DLGAP2: variants seen among roughly 807,000 people sequenced by gnomAD.
DLGAP2 encodes the protein DLG associated protein 2, also known as disks large-associated protein 2.
DLGAP2 carries 26 observed loss-of-function variants against 100.3 expected under a neutral mutation model. That is an observed-to-expected ratio of 0.26 (90% CI 0.19 to 0.36). The LOEUF is 0.36. DLGAP2 is among the 10% of genes least tolerant of loss of function. DLGAP2 has a pLI of 1.00. For synonymous variants in DLGAP2, 886 were observed against 630.1 expected, an observed-to-expected ratio of 1.41 and a Z score of -6.08; for missense variants, 1,858 against 1,453.2, an observed-to-expected ratio of 1.28 and a Z score of -4.53.
At chr8:1,351,992 C>T (rs1191475695) in intron 3 of DLGAP2, among the ~76,000 whole-genome samples, 1 of 55,910 alleles carries the variant, frequency 1.8e-5, no homozygotes, top group African/African-American at 5.1e-5. Context: ...CGGGTCCTGA[C>T]TGTGTGTGGA....
At chr8:842,422 C>A (rs139450066) in intron 1 of DLGAP2, among the ~76,000 whole-genome samples, 46 of 152,320 alleles carry the variant, frequency 3.0e-4, no homozygotes, top group African/African-American at 1.0e-3. Flanking sequence ...TGAACAGGCA[C>A]GTGCTTGAAT....
chr8:1,582,552 C>T (rs1473321043), intron 6 of DLGAP2, among the ~76,000 whole-genome samples: 2 of 151,442 alleles, frequency 1.3e-5, no homozygotes, highest in Non-Finnish European at 1.5e-5. Flanking sequence ...TCATTGCTAG[C>T]AGACCAGTAC....
chr8:966,845 A>C (rs561914602), intron 2 of DLGAP2, among the ~76,000 whole-genome samples: 64 of 152,356 alleles, frequency 4.2e-4, no homozygotes, highest in African/African-American at 1.5e-3. Flanking sequence ...CTGTAAAATA[A>C]ATGTGTCTGT....
rs1298953295 is a variant in DLGAP2 at position 1,289,448 on chromosome 8, CCTT to C, written c.106+30571_106+30573del. On this transcript the variant is annotated intron_variant, in intron 3 of 14. Coordinates refer to ENST00000637795, the MANE Select transcript of DLGAP2 (RefSeq NM_001346810.2). ...ATGCCCTGTCTATTTTGCGGGGTTC[CCTT>C]CTTCTATTTTTAAGCCCCTCTGCAC... is the stretch of plus-strand genomic sequence containing the variant. Among the ~76,000 whole-genome samples, 6 of 152,124 alleles carry C rather than the reference CCTT, an allele frequency of 3.9e-5. No individual in the cohort carries two copies. In the South Asian group the frequency reaches 8.3e-4, roughly 21 times the overall value.
At chr8:1,328,605 C>CCTCCTAT (rs1801077538) in intron 3 of DLGAP2, among the ~76,000 whole-genome samples, 1 of 152,154 alleles carries the variant, frequency 6.6e-6, no homozygotes, top group Non-Finnish European at 1.5e-5. Context: ...CCCGCCTTGG[C>CCTCCTAT]CTCCTAAAGT....
In DLGAP2 at chr8:977,752, G is replaced by C. The variant is rs868587449; in HGVS notation, c.73+69786G>C. Reference sequence around the variant, plus strand: ...GCGTCGGGGATGCAGTGAGGGGCTGGGTTCTGGTCTTTGGTGTTGTGGGGA... The same window carrying C: ...GCGTCGGGGATGCAGTGAGGGGCTGCGTTCTGGTCTTTGGTGTTGTGGGGA... On this transcript the variant is annotated intron_variant, in intron 2 of 14. Coordinates refer to ENST00000637795, the MANE Select transcript of DLGAP2 (RefSeq NM_001346810.2). 9.4e-3 allele frequency among the ~76,000 whole-genome samples: 1,250 copies of C among 133,548 alleles called. 23 individuals are homozygous for C. Among genetic ancestry groups the C allele is most frequent in the African/African-American group, 0.033 (1,168 of 35,682 alleles). The allele number at this position is 133,548 out of a possible 152,430, so 87.6% of individuals were successfully genotyped here.
intron 3 of DLGAP2, among the ~76,000 whole-genome samples, chr8:1,268,480 G>A (rs1204408173): frequency 6.6e-6 from 1 of 152,242 alleles, no homozygotes; most frequent in African/African-American, 2.4e-5. Context: ...TCTGACAGCT[G>A]TCTTCCGCGT....
chr8:828,448 C>G (rs148168067), intron 1 of DLGAP2, among the ~76,000 whole-genome samples: 6,315 of 152,306 alleles, frequency 0.041, 200 homozygotes, highest in African/African-American at 0.082. Context: ...AAATATGGCT[C>G]TGTTCCGCCC....
At chr8:926,889 G>A (rs548171586) in intron 2 of DLGAP2, among the ~76,000 whole-genome samples, 12 of 152,374 alleles carry the variant, frequency 7.9e-5, no homozygotes, top group Middle Eastern at 3.4e-3. Context: ...TGGCAGGAGC[G>A]GAGCGAGCCT....
At chr8:1,366,068 G>C (rs1802101475) in intron 3 of DLGAP2, among the ~76,000 whole-genome samples, 1 of 152,268 alleles carries the variant, frequency 6.6e-6, no homozygotes, top group Non-Finnish European at 1.5e-5. Flanking sequence ...AGGGGCAGAT[G>C]TGCCTTATGT....
chr8:1,554,392 C>T (rs551269864), intron 5 of DLGAP2, among the ~76,000 whole-genome samples: 95 of 152,314 alleles, frequency 6.2e-4, no homozygotes, highest in African/African-American at 1.9e-3. Context: ...TGGGGTGGAA[C>T]CTGAGTCTCA....
At chr8:1,154,117 G>C (rs1449735706) in intron 2 of DLGAP2, among the ~76,000 whole-genome samples, 1 of 152,166 alleles carries the variant, frequency 6.6e-6, no homozygotes, top group Non-Finnish European at 1.5e-5. Context: ...ACATGGATAT[G>C]CACCAGTATC....
At chr8:1,165,102 A>G (rs1787636856) in intron 2 of DLGAP2, among the ~76,000 whole-genome samples, 1 of 146,324 alleles carries the variant, frequency 6.8e-6, no homozygotes, top group African/African-American at 2.5e-5. Context: ...CTTCCCTCTC[A>G]GGCCCTGCAC....
At chr8:1,570,691 G>A (rs1802618365) in intron 6 of DLGAP2, among the ~76,000 whole-genome samples, 1 of 150,750 alleles carries the variant, frequency 6.6e-6, no homozygotes, top group Non-Finnish European at 1.5e-5. Flanking sequence ...GAACTGTGGG[G>A]GTGTCTGATG....
intron 10 of DLGAP2, among the ~76,000 whole-genome samples, chr8:1,671,248 C>T (rs1370125497): frequency 2.0e-5 from 3 of 152,214 alleles, no homozygotes; most frequent in African/African-American, 7.2e-5. Context: ...AGGAGCCTGC[C>T]CTGGTTCTGT....
intron 2 of DLGAP2, among the ~76,000 whole-genome samples, chr8:1,004,600 C>T (rs985602514): frequency 4.6e-5 from 7 of 152,150 alleles, no homozygotes; most frequent in Non-Finnish European, 7.3e-5. Context: ...GTGAAGGGAT[C>T]GGATTGTGTC....
chr8:926,988 G>T (rs566976924), intron 2 of DLGAP2: 9 of 981,776 alleles, frequency 9.2e-6, no homozygotes, highest in African/African-American at 1.7e-5. Flanking sequence ...AGGAAAAGCC[G>T]GGGCCAGAGG....
chr8:1,075,390 C>A (rs978101830), intron 2 of DLGAP2, among the ~76,000 whole-genome samples: 1 of 152,058 alleles, frequency 6.6e-6, no homozygotes, highest in African/African-American at 2.4e-5. Flanking sequence ...GTTCTGGAAG[C>A]GGCTGGTCAG....
intron 2 of DLGAP2, among the ~76,000 whole-genome samples, chr8:1,192,064 C>G (rs1281135616): frequency 6.6e-6 from 1 of 152,154 alleles, no homozygotes; most frequent in Non-Finnish European, 1.5e-5. Context: ...TCCCAGGGCT[C>G]TCTGAGATGG....
Sources: gnomAD v4.1 joint callset for allele counts (sites outside exome capture counted in the v4.1 genomes callset) on GRCh38, gnomAD v4.1.1 for gene constraint, MANE v1.5 for transcripts, NCBI Gene and HGNC (gene_info 2026-07-23, HGNC 2026-07-21) for gene names.